The following RPS15 variants were observed in gnomAD, a reference collection of about 807,000 sequenced individuals.
The protein encoded by RPS15 is ribosomal protein S15.
Under a neutral mutation model 14.9 loss-of-function variants are expected in RPS15, and 5 were observed. The observed-to-expected ratio is 0.34, with a 90% CI of 0.18 to 0.70. The LOEUF (loss-of-function observed/expected upper bound fraction) is 0.70, where lower values mean the gene tolerates loss of function less well. Among genes scored for constraint, RPS15 ranks in the 30% least tolerant of loss-of-function variants. RPS15 has a pLI of 0.65. For missense variants in RPS15, 102 were observed against 204.2 expected (o/e 0.50, Z 3.05); for synonymous variants, 103 against 85.0 (o/e 1.21, Z -1.16).
chr19:1,438,397 A>G lies in RPS15; in HGVS notation c.-29A>G, dbSNP rs908444578. 2 of 1,613,224 alleles carry G rather than the reference A, an allele frequency of 1.2e-6. No homozygotes were observed. Among genetic ancestry groups the G allele is most frequent in the African/African-American group, 2.7e-5 (2 of 74,940 alleles). ...CGCGATAACTGCGCAGGCGCGGACC[A>G]AAGCGATCTCTTCTGAGGATCCGGC... On this transcript the variant is annotated 5_prime_UTR_variant, in exon 1 of 4. Coordinates refer to ENST00000592588, the MANE Select transcript of RPS15 (RefSeq NM_001018.5). This position sits in a 1 kb window ranked among gnomAD's most constrained non-coding sequence, Gnocchi z 4.8.
In RPS15 at chr19:1,438,574, G is replaced by A. The variant is rs1469391652; in HGVS notation, c.3+146G>A. ...GCGGCTGGATGTTGGGGCGAGGGGC[G>A]GACTTGGTGGGTGTCGGGACGACGC... is the stretch of plus-strand genomic sequence containing the variant. On this transcript the variant is annotated intron_variant, in intron 1 of 3. Coordinates refer to ENST00000592588, the MANE Select transcript of RPS15 (RefSeq NM_001018.5). This position sits in a 1 kb window ranked among gnomAD's most constrained non-coding sequence, Gnocchi z 4.8. The A allele has an allele frequency of 2.6e-6, 4 of 1,559,130 alleles. No homozygotes were observed. The highest frequency in any genetic ancestry group is 1.9e-5 in the Admixed American group (1 of 52,154).
intron 2 of RPS15, chr19:1,439,223 G>A (rs1455564772): frequency 3.1e-6 from 1 of 327,804 alleles, no homozygotes; most frequent in Non-Finnish European, 5.5e-6. Flanking sequence ...GTCCTTTCCA[G>A]GCAGGGTGGT....
Position 1,438,500 on chromosome 19 carries a change from G to T in RPS15, c.3+72G>T. 1 of 1,611,428 alleles carries T rather than the reference G, an allele frequency of 6.2e-7. No homozygotes were observed. The highest frequency in any genetic ancestry group is 8.5e-7 in the Non-Finnish European group (1 of 1,179,188). On this transcript the variant is annotated intron_variant, in intron 1 of 3. Coordinates refer to ENST00000592588, the MANE Select transcript of RPS15 (RefSeq NM_001018.5). The surrounding 1 kb of genome is among the most constrained non-coding windows in gnomAD (Gnocchi z 4.8). ...ATCCAACCTCTGACCGTCTCGCGGGGGCCGCAGTTCGTCCCCGCGGCTACG... is the reference window on the plus strand; with the variant it reads ...ATCCAACCTCTGACCGTCTCGCGGGTGCCGCAGTTCGTCCCCGCGGCTACG...
intron 2 of RPS15, 181 bp from the exon 3 acceptor site, chr19:1,439,838 A>T (rs772825122): frequency 2.3e-5 from 15 of 649,502 alleles, no homozygotes; most frequent in Middle Eastern, 4.1e-4. Flanking sequence ...TGAGTCGCGC[A>T]TATCTGGCGG....
At chr19:1,439,678 A>G (rs1390170288) in intron 2 of RPS15, 3 of 571,664 alleles carry the variant, frequency 5.2e-6, no homozygotes, top group Non-Finnish European at 6.2e-6. Flanking sequence ...CACAGGCGGG[A>G]GCCACTGCGC....
rs1286935142 is a variant in RPS15 at position 1,440,041 on chromosome 19, A to T, written c.112A>T (p.Ser38Cys). 20 of 1,554,554 alleles carry T rather than the reference A, an allele frequency of 1.3e-5. No individual in the cohort carries two copies. Among genetic ancestry groups the T allele is most frequent in the Non-Finnish European group, 1.7e-5 (19 of 1,150,050 alleles). ...CAGCGAGCAGCTGATGCAGCTGTAC[A>T]GTGCGCGCCAGCGGCGGCGGCTGAA... ...MSYEQLMQLYSARQRRRLNRG... is the reference protein window; with the variant it reads ...MSYEQLMQLYCARQRRRLNRG... The change falls in exon 3 of 4, where the codon AGT becomes TGT. Residue 38 changes from serine (S) to cysteine (C), a missense_variant. Physicochemically the swap from Ser to Cys is moderately radical, Grantham distance 112. Coordinates refer to ENST00000592588, the MANE Select transcript of RPS15 (RefSeq NM_001018.5).
chr19:1,438,433 G>A lies in RPS15; in HGVS notation c.3+5G>A. The A allele has an allele frequency of 1.2e-6, 2 of 1,613,482 alleles. No homozygotes were observed. The highest frequency in any genetic ancestry group is 1.7e-6 in the Non-Finnish European group (2 of 1,179,902). On this transcript the variant is annotated splice_donor_5th_base_variant and intron_variant, in intron 1 of 3. Coordinates refer to ENST00000592588, the MANE Select transcript of RPS15 (RefSeq NM_001018.5). This position sits in a 1 kb window ranked among gnomAD's most constrained non-coding sequence, Gnocchi z 4.8. ...TTCTGAGGATCCGGCAAGATGGTGA[G>A]TGTTGCGATTTGGCGCGTCTCTGCC...
chr19:1,438,527 C>A lies in RPS15; in HGVS notation c.3+99C>A. ...CCGCAGTTCGTCCCCGCGGCTACGG[C>A]GGCTTGCTCCCGACCCTGCAGGCGG... On this transcript the variant is annotated intron_variant, in intron 1 of 3. Coordinates refer to ENST00000592588, the MANE Select transcript of RPS15 (RefSeq NM_001018.5). The surrounding 1 kb of genome is among the most constrained non-coding windows in gnomAD (Gnocchi z 4.8). The A allele has an allele frequency of 2.5e-6, 4 of 1,602,102 alleles. No individual in the cohort carries two copies. Among genetic ancestry groups the A allele is most frequent in the Non-Finnish European group, 3.4e-6 (4 of 1,174,768 alleles).
In RPS15 at chr19:1,438,440, G is replaced by C. The variant is rs566529595; in HGVS notation, c.3+12G>C. ...GATCCGGCAAGATGGTGAGTGTTGC[G>C]ATTTGGCGCGTCTCTGCCGGGCCTA... On this transcript the variant is annotated intron_variant, in intron 1 of 3. Transcript: ENST00000592588. The surrounding 1 kb of genome is among the most constrained non-coding windows in gnomAD (Gnocchi z 4.8). 5 of 1,613,428 alleles carry C rather than the reference G, an allele frequency of 3.1e-6. No homozygotes were observed. The highest frequency in any genetic ancestry group is 2.7e-5 in the African/African-American group (2 of 75,064).
chr19:1,438,468 C>A lies in RPS15; in HGVS notation c.3+40C>A. On this transcript the variant is annotated intron_variant, in intron 1 of 3. Transcript: ENST00000592588. This position sits in a 1 kb window ranked among gnomAD's most constrained non-coding sequence, Gnocchi z 4.8. ...TTGGCGCGTCTCTGCCGGGCCTATC[C>A]GGCTCCATCCAACCTCTGACCGTCT... 6.2e-7 allele frequency: 1 copy of A among 1,613,198 alleles called. No individual in the cohort carries two copies. The highest frequency in any genetic ancestry group is 1.1e-5 in the South Asian group (1 of 91,078).
intron 2 of RPS15, 49 bp from the exon 3 acceptor site, chr19:1,439,970 T>C (rs1600267545): frequency 2.1e-6 from 3 of 1,451,808 alleles, no homozygotes; most frequent in Non-Finnish European, 2.8e-6. Flanking sequence ...GTGCGTAGGG[T>C]CTCCCCAGGC....
In RPS15 at chr19:1,438,741, TCGGGCCCGGTGGCCC is replaced by T; in HGVS notation, c.4-61_4-47del. 5.8e-6 allele frequency: 9 copies of T among 1,542,124 alleles called. No homozygotes were observed. The highest frequency in any genetic ancestry group is 7.9e-6 in the Non-Finnish European group (9 of 1,139,778). On this transcript the variant is annotated intron_variant, in intron 1 of 3. Coordinates refer to ENST00000592588, the MANE Select transcript of RPS15 (RefSeq NM_001018.5). The surrounding 1 kb of genome is among the most constrained non-coding windows in gnomAD (Gnocchi z 4.8). Reference sequence around the variant, plus strand: ...GCGCCGCGCGTCTTCCGCGGTGTCCTCGGGCCCGGTGGCCCCGGGAGATGGGTGTCGGGATCCCGC... The same window carrying T: ...GCGCCGCGCGTCTTCCGCGGTGTCCTCGGGAGATGGGTGTCGGGATCCCGC...
At position 1,440,411 on chromosome 19, in the gene RPS15, C is replaced by T. The variant is rs199705036; in HGVS notation, c.387C>T (p.Gly129=). The part of the protein sequence containing the change: ...FSITYKPVKH[G]RPGIGATHSS... ...TCACCTACAAGCCCGTAAAGCATGG[C>T]CGGCCCGGCATCGGGGCCACCCACT... The change falls in exon 4 of 4, where the codon GGC becomes GGT. Residue 129 remains glycine (G), a synonymous_variant. Coordinates refer to ENST00000592588, the MANE Select transcript of RPS15 (RefSeq NM_001018.5). 6 of 1,614,002 alleles carry T rather than the reference C, an allele frequency of 3.7e-6. No individual in the cohort carries two copies. The highest frequency in any genetic ancestry group is 5.1e-6 in the Non-Finnish European group (6 of 1,179,866).
In RPS15 at chr19:1,440,132, C is replaced by A; in HGVS notation, c.203C>A (p.Pro68Gln). The change falls in exon 3 of 4, where the codon CCG becomes CAG. Residue 68 changes from proline (P) to glutamine (Q), a missense_variant. Around this residue, in one of 2 missense-constraint regions of RPS15, gnomAD observed 70 missense variants for 96.8 expected, o/e 0.72. Coordinates refer to ENST00000592588, the MANE Select transcript of RPS15 (RefSeq NM_001018.5). ...KRLRKAKKEA[P>Q]PMEKPEVVKT... is the part of the protein sequence containing the mutation. Reference sequence around the variant, plus strand: ...CTGCGCAAGGCCAAGAAGGAGGCGCCGCCCATGGAGAAGCCGGAAGTGGTG... The same window carrying A: ...CTGCGCAAGGCCAAGAAGGAGGCGCAGCCCATGGAGAAGCCGGAAGTGGTG... 6.2e-7 allele frequency: 1 copy of A among 1,608,810 alleles called. No individual in the cohort carries two copies. The highest frequency in any genetic ancestry group is 1.3e-5 in the African/African-American group (1 of 75,022).
chr19:1,439,546 A>T lies in RPS15; in HGVS notation c.90-473A>T, dbSNP rs1197455580. ...AAGTGCTGGGATTACAGGCGTGAAC[A>T]CCGCGCCCGACCTTGATTTTTGATT... On this transcript the variant is annotated intron_variant, in intron 2 of 3. Coordinates refer to ENST00000592588, the MANE Select transcript of RPS15 (RefSeq NM_001018.5). The T allele has an allele frequency of 1.4e-5, 4 of 282,206 alleles. No homozygotes were observed. The East Asian group carries it at 3.5e-4, about 24-fold the overall frequency. 17.5% of individuals were successfully genotyped at this position (282,206 alleles called of 1,614,324 possible).
rs1026595402 is a variant in RPS15, at chr19:1,438,693, C to T, written c.4-114C>T. 1 of 1,533,718 alleles carries T rather than the reference C, an allele frequency of 6.5e-7. No individual in the cohort carries two copies. The highest frequency in any genetic ancestry group is 8.8e-7 in the Non-Finnish European group (1 of 1,133,932). Reference sequence around the variant, plus strand: ...GGGGACGGGTCGAAGCGGTGTGTCCCTGTCGGGCTTCTGTCCCCGGCGGCG... The same window carrying T: ...GGGGACGGGTCGAAGCGGTGTGTCCTTGTCGGGCTTCTGTCCCCGGCGGCG... On this transcript the variant is annotated intron_variant, in intron 1 of 3. Coordinates refer to ENST00000592588, the MANE Select transcript of RPS15 (RefSeq NM_001018.5). This position sits in a 1 kb window ranked among gnomAD's most constrained non-coding sequence, Gnocchi z 4.8.
rs886789572 is a variant in RPS15, at chr19:1,440,070, G to T, written c.141G>T (p.Arg47=). 8.9e-6 allele frequency: 14 copies of T among 1,566,962 alleles called. No homozygotes were observed. Among genetic ancestry groups the T allele is most frequent in the Non-Finnish European group, 1.1e-5 (13 of 1,157,212 alleles). The change falls in exon 3 of 4, where the codon CGG becomes CGT. Residue 47 remains arginine (R), a synonymous_variant. Coordinates refer to ENST00000592588, the MANE Select transcript of RPS15 (RefSeq NM_001018.5). ...YSARQRRRLN[R]GLRRKQHSLL... ...CGCGCCAGCGGCGGCGGCTGAACCG[G>T]GGCCTGCGGCGGAAGCAGCACTCCC...
rs2144987884 is a variant in RPS15 at position 1,438,799 on chromosome 19, C to T, written c.4-8C>T. 1 of 1,587,532 alleles carries T rather than the reference C, an allele frequency of 6.3e-7. No individual in the cohort carries two copies. The highest frequency in any genetic ancestry group is 8.6e-7 in the Non-Finnish European group (1 of 1,167,680). On this transcript the variant is annotated splice_polypyrimidine_tract_variant and splice_region_variant and intron_variant, in intron 1 of 3. Coordinates refer to ENST00000592588, the MANE Select transcript of RPS15 (RefSeq NM_001018.5). This position sits in a 1 kb window ranked among gnomAD's most constrained non-coding sequence, Gnocchi z 4.8. ...GATCCCGCTGACGCCCGATCCGCGC[C>T]CGCACAGGCAGAAGTAGAGCAGAAG...
chr19:1,438,800 C>T lies in RPS15; in HGVS notation c.4-7C>T. The stretch of plus-strand genomic sequence containing the variant: ...ATCCCGCTGACGCCCGATCCGCGCC[C>T]GCACAGGCAGAAGTAGAGCAGAAGA... On this transcript the variant is annotated splice_polypyrimidine_tract_variant and splice_region_variant and intron_variant, in intron 1 of 3. Transcript: ENST00000592588. This position sits in a 1 kb window ranked among gnomAD's most constrained non-coding sequence, Gnocchi z 4.8. 1.3e-6 allele frequency: 2 copies of T among 1,587,970 alleles called. No homozygotes were observed. Among genetic ancestry groups the T allele is most frequent in the Admixed American group, 1.7e-5 (1 of 57,810 alleles).
Sources: allele counts gnomAD v4.1 joint callset, GRCh38; gene constraint gnomAD v4.1.1; regional missense constraint gnomAD v4.1.1; non-coding constraint Gnocchi (gnomAD v3.1); transcripts MANE v1.5; gene names NCBI Gene and HGNC (gene_info 2026-07-23, HGNC 2026-07-21).